SKI: variants seen among roughly 807,000 people sequenced by gnomAD.
SKI encodes ski oncogene.
In SKI, 23 loss-of-function variants were observed where a neutral mutation model predicts 59.3. That is an observed-to-expected ratio of 0.39 (90% CI 0.28 to 0.55). The LOEUF (loss-of-function observed/expected upper bound fraction) is 0.55. SKI is among the 20% of genes least tolerant of loss of function. SKI has a pLI of 0.67. For missense variants in SKI, 1,017 were observed against 1,038.9 expected (o/e 0.98, Z 0.29); for synonymous variants, 673 against 488.6 (o/e 1.38, Z -4.98).
chr1:2,259,518 A>G (rs961202491), intron 1 of SKI, among the ~76,000 whole-genome samples: 1 of 152,238 alleles, frequency 6.6e-6, no homozygotes, highest in African/African-American at 2.4e-5. Flanking sequence ...GGGTGCAGTT[A>G]GGATGATTGC....
intron 1 of SKI, among the ~76,000 whole-genome samples, chr1:2,299,668 C>T (rs1640376956): frequency 6.6e-6 from 1 of 152,158 alleles, no homozygotes; most frequent in Non-Finnish European, 1.5e-5. Flanking sequence ...GTGCCAGGGG[C>T]CTGGGGAAGG....
chr1:2,299,141 G>A (rs992447339), intron 1 of SKI, among the ~76,000 whole-genome samples: 3 of 152,254 alleles, frequency 2.0e-5, no homozygotes, highest in African/African-American at 7.2e-5. Context: ...GCGCCGAGTG[G>A]CCAGCAGGGC....
rs775703026 is a variant in SKI at position 2,239,585 on chromosome 1, C to T, written c.969+9850C>T. On this transcript the variant is annotated intron_variant, in intron 1 of 6. Transcript: ENST00000378536. ...AGGAAGGGTTTCAACCTGGATGGCC[C>T]GCGTGCCGGGGACCCGCAAGGTGTG... Among the ~76,000 whole-genome samples, 92 of 152,322 alleles carry T rather than the reference C, an allele frequency of 6.0e-4. 2 individuals carry two copies. The highest frequency in any genetic ancestry group is 3.9e-4 in the East Asian group (2 of 5,184).
rs1244292836 is a variant in SKI at position 2,229,801 on chromosome 1, A to G, written c.969+66A>G. 19 of 1,548,274 alleles carry G rather than the reference A, an allele frequency of 1.2e-5. No individual in the cohort carries two copies. Among genetic ancestry groups the G allele is most frequent in the Non-Finnish European group, 1.6e-5 (18 of 1,146,286 alleles). ...GGGGTGGGGGCCCCTTCTGGACTAC[A>G]GGCTCTGGTCTCCGAAGGCTGGGAC... is the stretch of plus-strand genomic sequence containing the variant. On this transcript the variant is annotated intron_variant, in intron 1 of 6. Coordinates refer to ENST00000378536, the MANE Select transcript of SKI (RefSeq NM_003036.4). The surrounding 1 kb of genome is among the most constrained non-coding windows in gnomAD (Gnocchi z 6.3).
chr1:2,253,599 T>C (rs1362823636), intron 1 of SKI, among the ~76,000 whole-genome samples: 1 of 152,220 alleles, frequency 6.6e-6, no homozygotes, highest in African/African-American at 2.4e-5. Flanking sequence ...CTCCTCACTT[T>C]TGTTCCTGAG....
intron 1 of SKI, among the ~76,000 whole-genome samples, chr1:2,299,579 C>T (rs538592233): frequency 1.3e-5 from 2 of 152,294 alleles, no homozygotes; most frequent in African/African-American, 2.4e-5. Context: ...CATGGAGCGT[C>T]TCCTTGCTCT....
intron 1 of SKI, among the ~76,000 whole-genome samples, chr1:2,254,668 G>A (rs1026597330): frequency 1.3e-5 from 2 of 152,290 alleles, no homozygotes; most frequent in African/African-American, 4.8e-5. Flanking sequence ...GGTAGGAGCC[G>A]AATTGGAGTC....
intron 1 of SKI, among the ~76,000 whole-genome samples, chr1:2,242,469 GTGGGTGTCCCTGCCCTCAC>G (rs1638901015): frequency 6.6e-6 from 1 of 152,228 alleles, no homozygotes; most frequent in Non-Finnish European, 1.5e-5. Flanking sequence ...CCGCAGGGGA[GTGGGTGTCCCTGCCCTCAC>G]TGTAATCTCT....
chr1:2,252,499 C>A (rs866445043), intron 1 of SKI, among the ~76,000 whole-genome samples: 1 of 152,180 alleles, frequency 6.6e-6, no homozygotes, highest in East Asian at 1.9e-4. Flanking sequence ...GGAAGGCTTT[C>A]GTCCGTCTGA....
rs541958099 is a variant in SKI at position 2,232,109 on chromosome 1, C to A, written c.969+2374C>A. 5.9e-5 allele frequency among the ~76,000 whole-genome samples: 9 copies of A among 152,346 alleles called. No homozygotes were observed. In the South Asian group the frequency reaches 1.7e-3, roughly 28 times the overall value. ...AGGCCCCGCCTCCGCCCTCACTGGC[C>A]GCCGTTGGCTCCTCCCACTCGTGTC... On this transcript the variant is annotated intron_variant, in intron 1 of 6. Transcript: ENST00000378536.
Position 2,307,039 on chromosome 1 carries a change from T to A in SKI, c.*274T>A. The A allele has an allele frequency of 3.7e-6, 1 of 268,946 alleles. No homozygotes were observed. The highest frequency in any genetic ancestry group is 7.0e-6 in the Non-Finnish European group (1 of 143,290). 16.7% of individuals were successfully genotyped at this position (268,946 alleles called of 1,614,324 possible). ...TGGTCCTCTGCTTGCTGGAACATTC[T>A]AACATTTACACTTTTGTTATAAGCT... On this transcript the variant is annotated 3_prime_UTR_variant, in exon 7 of 7. Coordinates refer to ENST00000378536, the MANE Select transcript of SKI (RefSeq NM_003036.4).
chr1:2,266,136 C>T (rs1275425020), intron 1 of SKI, among the ~76,000 whole-genome samples: 1 of 152,076 alleles, frequency 6.6e-6, no homozygotes, highest in Non-Finnish European at 1.5e-5. Context: ...ACTCCTGTGG[C>T]AGAATCTTCT....
At chr1:2,300,009 G>A (rs1640384737) in intron 1 of SKI, among the ~76,000 whole-genome samples, 1 of 152,212 alleles carries the variant, frequency 6.6e-6, no homozygotes, top group Non-Finnish European at 1.5e-5. Context: ...TGTGGGCTTT[G>A]CTCAGGAACT....
rs577577745 is a variant in SKI, at chr1:2,240,483, G to A, written c.969+10748G>A. On this transcript the variant is annotated intron_variant, in intron 1 of 6. Coordinates refer to ENST00000378536, the MANE Select transcript of SKI (RefSeq NM_003036.4). ...CACAATGTTGCCTGGCCCCCATGAG[G>A]AGGTCCCGTGGGTGGTGGCGGGTGG... The A allele has an allele frequency of 4.1e-6, 4 of 985,422 alleles. No individual in the cohort carries two copies. In the East Asian group the frequency reaches 4.5e-4, roughly 112 times the overall value. The allele number at this position is 985,422 out of a possible 1,614,324, so 61.0% of individuals were successfully genotyped here. A position where few individuals can be genotyped will look rare whatever the true frequency, so the allele number is the denominator to read the frequency against.
intron 1 of SKI, among the ~76,000 whole-genome samples, chr1:2,293,350 C>T (rs577417594): frequency 2.0e-5 from 3 of 152,198 alleles, no homozygotes; most frequent in South Asian, 4.1e-4. Flanking sequence ...AGTGGTGTTG[C>T]CCGTGGGCCT....
At chr1:2,255,350 A>G (rs1557823021) in intron 1 of SKI, among the ~76,000 whole-genome samples, 1 of 152,230 alleles carries the variant, frequency 6.6e-6, no homozygotes, top group African/African-American at 2.4e-5. Context: ...GTTTTGATAA[A>G]TCTATCCTTT....
chr1:2,249,495 C>T (rs1187569895), intron 1 of SKI, among the ~76,000 whole-genome samples: 2 of 152,206 alleles, frequency 1.3e-5, no homozygotes, highest in Non-Finnish European at 2.9e-5. Context: ...CCCGGGTGGC[C>T]GGCTCCTCAC....
At chr1:2,234,388 T>TG (rs1193570765) in intron 1 of SKI, among the ~76,000 whole-genome samples, 2 of 151,924 alleles carry the variant, frequency 1.3e-5, no homozygotes, top group Non-Finnish European at 2.9e-5. Context: ...AGGGTCACGG[T>TG]GGGGGGGCTA....
rs370682692 is a variant in SKI at position 2,303,431 on chromosome 1, A to G, written c.1211+31A>G. ...TGGGCGCCATTCACAGGTGTTTCTG[A>G]TCACGGGGGAGGCTCCACGAGGGCT... is the stretch of plus-strand genomic sequence containing the variant. On this transcript the variant is annotated intron_variant, in intron 3 of 6. Coordinates refer to ENST00000378536, the MANE Select transcript of SKI (RefSeq NM_003036.4). This position sits in a 1 kb window ranked among gnomAD's most constrained non-coding sequence, Gnocchi z 5.6. 5.1e-6 allele frequency: 8 copies of G among 1,576,392 alleles called. No individual in the cohort carries two copies. In the East Asian group the frequency reaches 1.3e-4, roughly 27 times the overall value.
Sources: allele counts gnomAD v4.1 joint callset (sites outside exome capture counted in the v4.1 genomes callset), GRCh38; gene constraint gnomAD v4.1.1; non-coding constraint Gnocchi (gnomAD v3.1); transcripts MANE v1.5; gene names NCBI Gene and HGNC (gene_info 2026-07-23, HGNC 2026-07-21).